Variants in BAZ1B observed in about 807,000 individuals in gnomAD.
The protein encoded by BAZ1B is bromodomain adjacent to zinc finger domain 1B.
In BAZ1B, 22 loss-of-function variants were observed where a neutral mutation model predicts 153.8. The ratio of observed to expected loss-of-function variants is 0.14; its 90% CI spans 0.10 to 0.20. BAZ1B has a LOEUF of 0.20. Ranked by LOEUF, BAZ1B falls within the 10% of genes least tolerant of loss-of-function variation. The pLI is 1.00. For synonymous variants in BAZ1B, 676 were observed against 633.4 expected (o/e 1.07, Z -1.01); for missense variants, 1,325 against 1,799.3 (o/e 0.74, Z 4.77).
intron 7 of BAZ1B, among the ~76,000 whole-genome samples, chr7:73,472,692 G>A (rs372550168): frequency 5.3e-5 from 8 of 150,888 alleles, no homozygotes; most frequent in South Asian, 4.2e-4. Context: ...TTCTCCTGCC[G>A]CAGCCTCCCA....
intron 5 of BAZ1B, 140 bp from the exon 6 acceptor site, chr7:73,489,531 T>C: frequency 2.4e-6 from 2 of 825,240 alleles, no homozygotes; most frequent in African/African-American, 1.7e-5. Context: ...GAAAAATATA[T>C]AGGCCAGGGA....
At position 73,459,469 on chromosome 7, in the gene BAZ1B, A is replaced by C. The variant is rs573711420; in HGVS notation, c.3432+67T>G. On this transcript the variant is annotated intron_variant, in intron 13 of 19. Coordinates refer to ENST00000339594, the MANE Select transcript of BAZ1B (RefSeq NM_032408.4). Reference sequence around the variant, plus strand: ...TATAGCAGCTAAAATGCATAGGGTTAGATTATTTTAAAACCAAATCAACTC... The same window carrying C: ...TATAGCAGCTAAAATGCATAGGGTTCGATTATTTTAAAACCAAATCAACTC... 9.9e-6 allele frequency: 15 copies of C among 1,517,770 alleles called. No individual in the cohort carries two copies. In the African/African-American group the frequency reaches 1.5e-4, roughly 15 times the overall value. The allele number at this position is 1,517,770 out of a possible 1,614,324, so 94.0% of individuals were successfully genotyped here.
rs75204906 is a variant in BAZ1B, at chr7:73,456,514, A to G, written c.3432+3022T>C. On this transcript the variant is annotated intron_variant, in intron 13 of 19. Transcript: ENST00000339594. ...ACTTGAATATATATTTCTCCAAATA[A>G]GGTAGACAAATGGACAATAAGCACA... Among the ~76,000 whole-genome samples, 511 of 152,354 alleles carry G rather than the reference A, an allele frequency of 3.4e-3. 4 individuals are homozygous for G. Among genetic ancestry groups the G allele is most frequent in the African/African-American group, 0.012 (480 of 41,582 alleles).
At position 73,469,383 on chromosome 7, in the gene BAZ1B, A is replaced by G. The variant is rs1376187006; in HGVS notation, c.2866+134T>C. 4 of 1,083,498 alleles carry G rather than the reference A, an allele frequency of 3.7e-6. No individual in the cohort carries two copies. The African/African-American group carries it at 6.3e-5, about 17-fold the overall frequency. 67.1% of individuals were successfully genotyped at this position (1,083,498 alleles called of 1,614,324 possible). ...CTTTCTACACATTTCACATCTACCT[A>G]CTTCACTCAAATAGATCTAAGACCA... On this transcript the variant is annotated intron_variant, in intron 9 of 19. Coordinates refer to ENST00000339594, the MANE Select transcript of BAZ1B (RefSeq NM_032408.4).
At position 73,469,784 on chromosome 7, in the gene BAZ1B, A is replaced by C. The variant is rs150560463; in HGVS notation, c.2733-134T>G. ...GTTTACAGAATTCTTCCTCTTCAGAACTCTAGACAGATAAAAATTGCAAGG... is the reference window on the plus strand; with the variant it reads ...GTTTACAGAATTCTTCCTCTTCAGACCTCTAGACAGATAAAAATTGCAAGG... On this transcript the variant is annotated intron_variant, in intron 8 of 19. Transcript: ENST00000339594. 6.7e-4 allele frequency: 663 copies of C among 994,274 alleles called. 2 individuals are homozygous for C. The African/African-American group carries it at 1.0e-2, about 15-fold the overall frequency. The allele number at this position is 994,274 out of a possible 1,614,324, so 61.6% of individuals were successfully genotyped here.
chr7:73,520,520 T>G (rs937782474), intron 1 of BAZ1B, among the ~76,000 whole-genome samples: 2 of 152,148 alleles, frequency 1.3e-5, no homozygotes, highest in African/African-American at 4.8e-5. Context: ...CTCCACTCTC[T>G]GGGCCAACTC....
intron 11 of BAZ1B, 82 bp from the exon 12 acceptor site, chr7:73,463,181 T>C: frequency 7.6e-7 from 1 of 1,322,838 alleles, no homozygotes; most frequent in Non-Finnish European, 1.0e-6. Flanking sequence ...TAACATGTTT[T>C]ATTTCTAGAA....
chr7:73,473,229 C>T lies in BAZ1B; in HGVS notation c.2594-2746G>A, dbSNP rs570652201. On this transcript the variant is annotated intron_variant, in intron 7 of 19. Coordinates refer to ENST00000339594, the MANE Select transcript of BAZ1B (RefSeq NM_032408.4). Reference sequence around the variant, plus strand: ...TGTAGGATTACAGGCTGTGAGCCACCGAGCCTGGCCTGTTCATATGTCTTT... The same window carrying T: ...TGTAGGATTACAGGCTGTGAGCCACTGAGCCTGGCCTGTTCATATGTCTTT... Among the ~76,000 whole-genome samples, 187 of 152,302 alleles carry T rather than the reference C, an allele frequency of 1.2e-3. 2 individuals are homozygous for T. The highest frequency in any genetic ancestry group is 2.2e-3 in the Non-Finnish European group (147 of 68,022).
intron 12 of BAZ1B, among the ~76,000 whole-genome samples, 163 bp from the exon 13 acceptor site, chr7:73,459,881 T>C (rs983629661): frequency 6.6e-6 from 1 of 152,214 alleles, no homozygotes; most frequent in African/African-American, 2.4e-5. Flanking sequence ...CTCAGTTCAC[T>C]GCATGGCTCA....
At position 73,442,232 on chromosome 7, in the gene BAZ1B, G is replaced by A. The variant is rs1256786997; in HGVS notation, c.4416C>T (p.Ala1472=). ...AEDEGDSEPE[A]VGQSRGRRQK... The stretch of plus-strand genomic sequence containing the variant: ...GTCTTCGTCCCCTGGACTGTCCAAC[G>A]GCCTCTGGCTCACTGTCCCCTTCAT... The change falls in exon 19 of 20, where the codon GCC becomes GCT. Residue 1472 remains alanine, a synonymous_variant. Coordinates refer to ENST00000339594, the MANE Select transcript of BAZ1B (RefSeq NM_032408.4). 16 of 1,479,054 alleles carry A rather than the reference G, an allele frequency of 1.1e-5. No individual in the cohort carries two copies. The highest frequency in any genetic ancestry group is 3.7e-4 in the Middle Eastern group (2 of 5,344). The allele number at this position is 1,479,054 out of a possible 1,614,324, so 91.6% of individuals were successfully genotyped here.
At chr7:73,462,478 C>T (rs1029311553) in intron 12 of BAZ1B, 3 of 189,374 alleles carry the variant, frequency 1.6e-5, no homozygotes, top group African/African-American at 7.2e-5. Flanking sequence ...CAATAAAGGA[C>T]AGGACTGTAA....
At chr7:73,498,428 A>C in intron 4 of BAZ1B, 69 bp downstream of exon 4, 1 of 1,449,666 alleles carries the variant, frequency 6.9e-7, no homozygotes, top group Non-Finnish European at 9.6e-7. Flanking sequence ...AGAGAACCCT[A>C]AAAGATGTGT....
intron 2 of BAZ1B, among the ~76,000 whole-genome samples, 173 bp from the exon 3 acceptor site, chr7:73,508,644 T>G (rs1179092607): frequency 6.6e-6 from 1 of 152,172 alleles, no homozygotes; most frequent in Non-Finnish European, 1.5e-5. Flanking sequence ...CTCCACCTCC[T>G]GGGCTCGAAC....
At chr7:73,476,746 G>C in intron 7 of BAZ1B, 122 bp downstream of exon 7, 9 of 1,447,154 alleles carry the variant, frequency 6.2e-6, no homozygotes, top group Non-Finnish European at 8.3e-6. Context: ...ATACCAATAG[G>C]TGCTGGGTTA....
intron 1 of BAZ1B, among the ~76,000 whole-genome samples, chr7:73,514,380 A>G (rs1453938451): frequency 6.6e-6 from 1 of 152,198 alleles, no homozygotes; most frequent in African/African-American, 2.4e-5. Flanking sequence ...AAAAATACAA[A>G]AAATTAGCCA....
chr7:73,477,916 T>C lies in BAZ1B; in HGVS notation c.1545A>G (p.Pro515=), dbSNP rs1554573105. The change falls in exon 7 of 20, where the codon CCA becomes CCG. Residue 515 remains proline, a synonymous_variant. Coordinates refer to ENST00000339594, the MANE Select transcript of BAZ1B (RefSeq NM_032408.4). This position sits in a 1 kb window ranked among gnomAD's most constrained non-coding sequence, Gnocchi z 5.6. Reference sequence around the variant, plus strand: ...TTTGAACAAGACTTCGCAATTCTTCTGGGAGACGAGCTCTATCTTCACTAG... The same window carrying C: ...TTTGAACAAGACTTCGCAATTCTTCCGGGAGACGAGCTCTATCTTCACTAG... ...LLSSEDRARL[P]EELRSLVQKR... The C allele has an allele frequency of 1.2e-6, 2 of 1,614,200 alleles. No homozygotes were observed. Among genetic ancestry groups the C allele is most frequent in the Admixed American group, 1.7e-5 (1 of 60,010 alleles).
intron 1 of BAZ1B, among the ~76,000 whole-genome samples, chr7:73,513,366 A>C (rs986502749): frequency 1.3e-5 from 2 of 152,202 alleles, no homozygotes; most frequent in African/African-American, 4.8e-5. Context: ...TAGTATAAGC[A>C]CCTTTGCTCA....
intron 4 of BAZ1B, among the ~76,000 whole-genome samples, chr7:73,497,203 AC>A (rs1554576495): frequency 6.6e-6 from 1 of 151,940 alleles, no homozygotes; most frequent in East Asian, 1.9e-4. Flanking sequence ...TGATCGTACC[AC>A]TGCACTCCAG....
chr7:73,452,886 T>G (rs1220850039), intron 13 of BAZ1B, among the ~76,000 whole-genome samples: 1 of 152,190 alleles, frequency 6.6e-6, no homozygotes, highest in Non-Finnish European at 1.5e-5. Context: ...GTAATCAGGA[T>G]GTCCGGACAA....
Sources: gnomAD v4.1 joint callset for allele counts (sites outside exome capture counted in the v4.1 genomes callset) on GRCh38, gnomAD v4.1.1 for gene constraint, Gnocchi (gnomAD v3.1) non-coding constraint, MANE v1.5 for transcripts, NCBI Gene and HGNC (gene_info 2026-07-23, HGNC 2026-07-21) for gene names.